Variants in SND1 observed in about 807,000 individuals in gnomAD.
SND1 encodes staphylococcal nuclease and tudor domain containing 1.
SND1 carries 38 observed loss-of-function variants against 121.7 expected under a neutral mutation model. The observed-to-expected ratio is 0.31, with a 90% confidence interval of 0.24 to 0.41. SND1 has a LOEUF of 0.41. Ranked by LOEUF, SND1 falls within the 10% of genes least tolerant of loss-of-function variation. SND1 has a pLI of 1.00. For synonymous variants in SND1, 401 were observed against 447.4 expected (o/e 0.90, Z 1.31); for missense variants, 868 against 1,184.6 (o/e 0.73, Z 3.92).
chr7:128,007,508 C>T (rs1803011201), intron 16 of SND1, among the ~76,000 whole-genome samples: 1 of 152,210 alleles, frequency 6.6e-6, no homozygotes, highest in African/African-American at 2.4e-5. Flanking sequence ...TCCACTGGGG[C>T]TCCAGATATG....
At chr7:128,016,171 C>CA (rs1205793786) in intron 16 of SND1, among the ~76,000 whole-genome samples, 1 of 130,248 alleles carries the variant, frequency 7.7e-6, no homozygotes. Context: ...TTTTAAGAGA[C>CA]AGAGTCTTGC....
chr7:128,030,759 AG>A, intron 16 of SND1: 1 of 1,302,508 alleles, frequency 7.7e-7, no homozygotes, highest in South Asian at 1.5e-5. Flanking sequence ...GGAGGTGGGG[AG>A]GGGGCGATTA....
At chr7:127,676,001 G>C (rs1175291683) in intron 1 of SND1, among the ~76,000 whole-genome samples, 1 of 152,182 alleles carries the variant, frequency 6.6e-6, no homozygotes, top group Non-Finnish European at 1.5e-5. Context: ...GAGGTTGAGT[G>C]AGTTCCTTCA....
chr7:127,741,330 A>G (rs1192003028), intron 10 of SND1, among the ~76,000 whole-genome samples: 2 of 152,212 alleles, frequency 1.3e-5, no homozygotes, highest in Non-Finnish European at 2.9e-5. Flanking sequence ...TAAATATTGA[A>G]TGTGATTTTA....
rs758833551 is a variant in SND1 at position 128,030,531 on chromosome 7, G to A, written c.1779+39475G>A. Reference sequence around the variant, plus strand: ...GTTCTGGGGCCCGGCTGAGGCGGCAGCAGCGATGGCTGCACACAGAATCCA... The same window carrying A: ...GTTCTGGGGCCCGGCTGAGGCGGCAACAGCGATGGCTGCACACAGAATCCA... On this transcript the variant is annotated intron_variant, in intron 16 of 23. Transcript: ENST00000354725. The A allele has an allele frequency of 3.1e-6, 5 of 1,613,402 alleles. No homozygotes were observed. In the South Asian group the frequency reaches 4.4e-5, roughly 14 times the overall value.
In SND1 at chr7:128,029,192, G is replaced by A. The variant is rs752616161; in HGVS notation, c.1779+38136G>A. 1 of 1,614,036 alleles carries A rather than the reference G, an allele frequency of 6.2e-7. No individual in the cohort carries two copies. The highest frequency in any genetic ancestry group is 1.3e-5 in the African/African-American group (1 of 74,912). On this transcript the variant is annotated intron_variant, in intron 16 of 23. Transcript: ENST00000354725. This position sits in a 1 kb window ranked among gnomAD's most constrained non-coding sequence, Gnocchi z 4.2. ...TGGTAGAGGTGGTATATGCCGGCTGGTAACCAGTGGACGTGGTAGGAACAG... is the reference window on the plus strand; with the variant it reads ...TGGTAGAGGTGGTATATGCCGGCTGATAACCAGTGGACGTGGTAGGAACAG...
At chr7:127,796,454 G>T (rs1286192296) in intron 10 of SND1, among the ~76,000 whole-genome samples, 1 of 152,100 alleles carries the variant, frequency 6.6e-6, no homozygotes, top group Non-Finnish European at 1.5e-5. Context: ...TAGGAATGTG[G>T]CACTATGCTG....
chr7:127,796,890 C>CTTTTTTT (rs36078891), intron 10 of SND1, among the ~76,000 whole-genome samples: 47 of 102,072 alleles, frequency 4.6e-4, no homozygotes, highest in Admixed American at 6.9e-4. Flanking sequence ...TTTCCTGAGT[C>CTTTTTTT]TTTTTTTTTT....
intron 15 of SND1, among the ~76,000 whole-genome samples, chr7:127,962,900 G>A (rs1801766387): frequency 6.6e-6 from 1 of 152,144 alleles, no homozygotes; most frequent in Non-Finnish European, 1.5e-5. Context: ...ACCTCTCTGA[G>A]CCAAAGCTTC....
intron 11 of SND1, among the ~76,000 whole-genome samples, chr7:127,813,355 G>A (rs1254748740): frequency 3.3e-5 from 5 of 152,120 alleles, no homozygotes; most frequent in African/African-American, 1.2e-4. Flanking sequence ...GAAATGACTG[G>A]AGTTGCCTGT....
chr7:127,938,891 T>A lies in SND1; in HGVS notation c.1669+9562T>A, dbSNP rs183212870. ...ATTCAATTACATGGTTATTTAATAA[T>A]TTTTTTTTATATTCAGTGGGCACAA... On this transcript the variant is annotated intron_variant, in intron 15 of 23. Transcript: ENST00000354725. Among the ~76,000 whole-genome samples, 15 of 151,850 alleles carry A rather than the reference T, an allele frequency of 9.9e-5. No individual in the cohort carries two copies. The East Asian group carries it at 2.9e-3, about 29-fold the overall frequency.
intron 15 of SND1, among the ~76,000 whole-genome samples, chr7:127,976,092 C>T (rs1320152692): frequency 6.6e-6 from 1 of 152,218 alleles, no homozygotes; most frequent in African/African-American, 2.4e-5. Context: ...TGAGCACAGA[C>T]AAGTGCACAA....
intron 11 of SND1, among the ~76,000 whole-genome samples, chr7:127,837,532 G>A (rs1159493961): frequency 6.6e-6 from 1 of 152,184 alleles, no homozygotes; most frequent in African/African-American, 2.4e-5. Context: ...CTAGAAGGAG[G>A]TAAGTTTAAC....
rs756091170 is a variant in SND1, at chr7:127,698,972, G to A, written c.428+19G>A. 2.6e-5 allele frequency: 42 copies of A among 1,597,466 alleles called. No homozygotes were observed. Among genetic ancestry groups the A allele is most frequent in the South Asian group, 3.3e-5 (3 of 90,554 alleles). On this transcript the variant is annotated intron_variant, in intron 4 of 23. Coordinates refer to ENST00000354725, the MANE Select transcript of SND1 (RefSeq NM_014390.4). ...CTAATAAGTAAGTATTCATTACTCC[G>A]CTGTCTCTCTGACAGCGGTAAATTG...
At chr7:127,677,175 G>A (rs1438086452) in intron 1 of SND1, among the ~76,000 whole-genome samples, 1 of 152,180 alleles carries the variant, frequency 6.6e-6, no homozygotes, top group Non-Finnish European at 1.5e-5. Flanking sequence ...TTGTGTCCTT[G>A]TGCTGGGCTC....
intron 11 of SND1, among the ~76,000 whole-genome samples, chr7:127,812,640 T>C (rs755703892): frequency 2.0e-5 from 3 of 152,214 alleles, no homozygotes; most frequent in Non-Finnish European, 4.4e-5. Flanking sequence ...TGTTCCACTG[T>C]ATGAGAATAG....
chr7:127,865,608 G>A (rs1330308491), intron 12 of SND1, among the ~76,000 whole-genome samples: 1 of 151,504 alleles, frequency 6.6e-6, no homozygotes, highest in East Asian at 1.9e-4. Flanking sequence ...TCTCCTTTGT[G>A]GTTTTGTTTT....
chr7:128,017,697 G>T (rs898926582), intron 16 of SND1, among the ~76,000 whole-genome samples: 1 of 152,214 alleles, frequency 6.6e-6, no homozygotes, highest in African/African-American at 2.4e-5. Context: ...GGGGAGGGGG[G>T]GCAAACTCTT....
chr7:127,984,888 G>T (rs1289527297), intron 15 of SND1, among the ~76,000 whole-genome samples: 1 of 152,024 alleles, frequency 6.6e-6, no homozygotes, highest in African/African-American at 2.4e-5. Flanking sequence ...TAGATCTCCA[G>T]TGTTAATGTC....
Sources: allele counts gnomAD v4.1 joint callset (sites outside exome capture counted in the v4.1 genomes callset), GRCh38; gene constraint gnomAD v4.1.1; non-coding constraint Gnocchi (gnomAD v3.1); transcripts MANE v1.5; gene names NCBI Gene and HGNC (gene_info 2026-07-23, HGNC 2026-07-21).